Variants in POGLUT3 observed in about 807,000 individuals in gnomAD.
The protein encoded by POGLUT3 is KDEL (Lys-Asp-Glu-Leu) containing 2.
In POGLUT3, 48 loss-of-function variants were observed where a neutral mutation model predicts 54.3. The ratio of observed to expected loss-of-function variants is 0.88; its 90% CI spans 0.70 to 1.12. The LOEUF is 1.12. POGLUT3 is among the 50% of genes most tolerant of loss of function. The pLI is 0.00. For synonymous variants in POGLUT3, 218 were observed against 237.4 expected, an observed-to-expected ratio of 0.92 and a Z score of 0.75; for missense variants, 629 against 618.7, an observed-to-expected ratio of 1.02 and a Z score of -0.18.
rs1173589272 is a variant in POGLUT3 at position 108,481,044 on chromosome 11, T to C, written c.1098+136A>G. The C allele has an allele frequency of 3.0e-5, 20 of 663,454 alleles. No homozygotes were observed. The South Asian group carries it at 3.9e-4, about 13-fold the overall frequency. 41.1% of individuals were successfully genotyped at this position (663,454 alleles called of 1,614,324 possible). A position where few individuals can be genotyped will look rare whatever the true frequency, so the allele number is the denominator to read the frequency against. ...AAACCACAATGGGTTTTGTAATTCC[T>C]GATATCTAATAAGAAAGTGTGAACA... On this transcript the variant is annotated intron_variant, in intron 5 of 7. Transcript: ENST00000323468.
intron 6 of POGLUT3, among the ~76,000 whole-genome samples, chr11:108,478,390 C>T (rs555091388): frequency 5.3e-5 from 8 of 152,282 alleles, no homozygotes; most frequent in African/African-American, 1.4e-4. Context: ...CTTCAGCTTC[C>T]GCATCTGTCC....
rs1800802473 is a variant in POGLUT3 at position 108,473,849 on chromosome 11, T to G, written c.*978A>C. On this transcript the variant is annotated 3_prime_UTR_variant, in exon 8 of 8. Transcript: ENST00000323468. ...TGGAATTACTAACTTAAGGTACAATTTCTCCTTAATGTTGTCTCGGGCTTT... is the reference window on the plus strand; with the variant it reads ...TGGAATTACTAACTTAAGGTACAATGTCTCCTTAATGTTGTCTCGGGCTTT... The G allele has an allele frequency of 6.6e-6, 1 of 152,230 alleles. No individual in the cohort carries two copies. The highest frequency in any genetic ancestry group is 6.5e-5 in the Admixed American group (1 of 15,278). 9.4% of individuals were successfully genotyped at this position (152,230 alleles called of 1,614,324 possible).
chr11:108,475,462 TG>T (rs1311074912), intron 7 of POGLUT3, among the ~76,000 whole-genome samples: 2,918 of 126,740 alleles, frequency 0.023, 354 homozygotes, highest in African/African-American at 0.087. Context: ...GAGTTTTTTT[TG>T]TTTTTGTTTT....
intron 1 of POGLUT3, among the ~76,000 whole-genome samples, chr11:108,493,190 G>A (rs1294710210): frequency 2.0e-5 from 3 of 152,114 alleles, no homozygotes; most frequent in African/African-American, 7.2e-5. Context: ...AATTATGGTC[G>A]CTTCCAGTTG....
In POGLUT3 at chr11:108,481,122, T is replaced by A. The variant is rs1334179313; in HGVS notation, c.1098+58A>T. The A allele has an allele frequency of 3.6e-6, 5 of 1,384,500 alleles. No individual in the cohort carries two copies. In the Admixed American group the frequency reaches 1.2e-4, roughly 34 times the overall value. 85.8% of individuals were successfully genotyped at this position (1,384,500 alleles called of 1,614,324 possible). A position where few individuals can be genotyped will look rare whatever the true frequency, so the allele number is the denominator to read the frequency against. On this transcript the variant is annotated intron_variant, in intron 5 of 7. Transcript: ENST00000323468. The stretch of plus-strand genomic sequence containing the variant: ...ATTTGCTGAAGCCCACCTATTTTGG[T>A]AGACTTTTAATACAATTTTATCGCT...
At chr11:108,486,648 C>G (rs1159196280) in intron 2 of POGLUT3, 2 of 545,886 alleles carry the variant, frequency 3.7e-6, no homozygotes, top group Non-Finnish European at 6.4e-6. Context: ...TAGTATATGC[C>G]CTCTCCCAAT....
chr11:108,477,497 C>G, intron 7 of POGLUT3, 110 bp downstream of exon 7: 1 of 683,242 alleles, frequency 1.5e-6, no homozygotes, highest in South Asian at 1.8e-5. Context: ...AGCCAGTGGT[C>G]CATAGGCTTG....
chr11:108,495,167 A>G (rs1332079240), intron 1 of POGLUT3, among the ~76,000 whole-genome samples: 4 of 152,238 alleles, frequency 2.6e-5, no homozygotes, highest in Non-Finnish European at 1.5e-5. Context: ...GTTGTGTACA[A>G]CAGGCTACAG....
At position 108,474,211 on chromosome 11, in the gene POGLUT3, GTCTC is replaced by G. The variant is rs1294635076; in HGVS notation, c.*612_*615del. The G allele has an allele frequency of 1.3e-5, 2 of 152,164 alleles. No individual in the cohort carries two copies. Among genetic ancestry groups the G allele is most frequent in the African/African-American group, 4.8e-5 (2 of 41,422 alleles). 9.4% of individuals were successfully genotyped at this position (152,164 alleles called of 1,614,324 possible). A position where few individuals can be genotyped will look rare whatever the true frequency, so the allele number is the denominator to read the frequency against. Reference sequence around the variant, plus strand: ...CAGAGGCTGATTTATATTTTAGCAAGTCTCTCTATCGGCTATGATCCCCAAGTTT... The same window carrying G: ...CAGAGGCTGATTTATATTTTAGCAAGTCTATCGGCTATGATCCCCAAGTTT... On this transcript the variant is annotated 3_prime_UTR_variant, in exon 8 of 8. Transcript: ENST00000323468.
intron 4 of POGLUT3, among the ~76,000 whole-genome samples, 153 bp from the exon 5 acceptor site, chr11:108,481,529 T>C (rs1035613692): frequency 1.3e-5 from 2 of 152,160 alleles, no homozygotes; most frequent in Admixed American, 6.6e-5. Flanking sequence ...AACGAAAATA[T>C]GGGATTGAGT....
chr11:108,480,373 C>A (rs889865642), intron 5 of POGLUT3, among the ~76,000 whole-genome samples: 1 of 152,154 alleles, frequency 6.6e-6, no homozygotes, highest in African/African-American at 2.4e-5. Context: ...CTTTGTTTTC[C>A]ATTTCAAATG....
rs553063235 is a variant in POGLUT3, at chr11:108,473,858, A to C, written c.*969T>G. 10 of 152,326 alleles carry C rather than the reference A, an allele frequency of 6.6e-5. No individual in the cohort carries two copies. The East Asian group carries it at 1.9e-3, about 29-fold the overall frequency. 9.4% of individuals were successfully genotyped at this position (152,326 alleles called of 1,614,324 possible). A position where few individuals can be genotyped will look rare whatever the true frequency, so the allele number is the denominator to read the frequency against. On this transcript the variant is annotated 3_prime_UTR_variant, in exon 8 of 8. Transcript: ENST00000323468. ...TAACTTAAGGTACAATTTCTCCTTA[A>C]TGTTGTCTCGGGCTTTGGCAAAATT... is the stretch of plus-strand genomic sequence containing the variant.
chr11:108,492,050 C>A (rs868241768), intron 1 of POGLUT3, among the ~76,000 whole-genome samples: 12 of 151,936 alleles, frequency 7.9e-5, no homozygotes, highest in South Asian at 4.2e-4. Flanking sequence ...AGAGAGATTA[C>A]AGCTAGTTAC....
Position 108,481,305 on chromosome 11 carries a change from A to G in POGLUT3, c.973T>C (p.Leu325=). 1 of 1,612,958 alleles carries G rather than the reference A, an allele frequency of 6.2e-7. No individual in the cohort carries two copies. The highest frequency in any genetic ancestry group is 1.1e-5 in the South Asian group (1 of 90,772). Residue 325 remains leucine, a synonymous_variant, in exon 5 of 8, where the codon TTG becomes CTG. Coordinates refer to ENST00000323468, the MANE Select transcript of POGLUT3 (RefSeq NM_153705.5). ...GGATTTTCTTTGGACAGCTGTACCA[A>G]CTGGAGCCTCTCCTCTCGGCTGTCT... ...GRDSREERLQ[L]VQLSKENPQL...
At chr11:108,489,036 G>A (rs1213739753) in intron 2 of POGLUT3, among the ~76,000 whole-genome samples, 1 of 152,138 alleles carries the variant, frequency 6.6e-6, no homozygotes, top group Non-Finnish European at 1.5e-5. Flanking sequence ...CTATTTCCCA[G>A]TGATTTAACT....
chr11:108,498,314 A>T lies in POGLUT3; in HGVS notation c.53T>A (p.Val18Glu), dbSNP rs895346217. The part of the protein sequence containing the change: ...LLLQLRLALL[V>E]AAGAPEVLVS... ...CAGCACCTCCGGGGCCCCCGCGGCC[A>T]CCAGCAGGGCGAGGCGCAGCTGCAG... Residue 18 changes from valine to glutamate, a missense_variant, in exon 1 of 8, where the codon GTG (valine) becomes GAG (glutamate). By Grantham distance (121) the Val-to-Glu change is moderately radical. Coordinates refer to ENST00000323468, the MANE Select transcript of POGLUT3 (RefSeq NM_153705.5). 2.8e-6 allele frequency: 4 copies of T among 1,439,960 alleles called. No homozygotes were observed. Among genetic ancestry groups the T allele is most frequent in the African/African-American group, 3.0e-5 (2 of 67,056 alleles). 89.2% of individuals were successfully genotyped at this position (1,439,960 alleles called of 1,614,324 possible).
rs372841756 is a variant in POGLUT3, at chr11:108,482,083, G to A, written c.824C>T (p.Thr275Met). Residue 275 changes from threonine (T) to methionine (M), a missense_variant, in exon 4 of 8, where the codon ACG (threonine) becomes ATG (methionine). Physicochemically the swap from Thr to Met is moderately conservative, Grantham distance 81 (BLOSUM62 -1). Transcript: ENST00000323468. Reference protein sequence around the residue: ...SLDSRDVVLPTYDITHSMLEA... With the variant: ...SLDSRDVVLPMYDITHSMLEA... ...AAGCATGGAGTGGGTGATGTCATACGTTGGAAGGACAACATCTCTTGAATC... is the reference window on the plus strand; with the variant it reads ...AAGCATGGAGTGGGTGATGTCATACATTGGAAGGACAACATCTCTTGAATC... 19 of 1,613,956 alleles carry A rather than the reference G, an allele frequency of 1.2e-5. No individual in the cohort carries two copies. The highest frequency in any genetic ancestry group is 4.4e-5 in the South Asian group (4 of 91,078).
rs2093577345 is a variant in POGLUT3, at chr11:108,474,861, C to G, written c.1490G>C (p.Cys497Ser). 1 of 1,614,010 alleles carries G rather than the reference C, an allele frequency of 6.2e-7. No individual in the cohort carries two copies. Among genetic ancestry groups the G allele is most frequent in the South Asian group, 1.1e-5 (1 of 91,084 alleles). Residue 497 changes from cysteine (C) to serine (S), a missense_variant, in exon 8 of 8, where the codon TGC becomes TCC. By Grantham distance (112) the Cys-to-Ser change is moderately radical. Transcript: ENST00000323468. ...TTCTCTTGAAGGCTTTTTCCTGTGG[C>G]ACTGGCAGATGGCTGTGCTATCTTC... ...QPEDSTAICQ[C>S]HRKKPSREEL
chr11:108,490,839 T>C (rs1175955608), intron 2 of POGLUT3, 131 bp downstream of exon 2: 4 of 575,606 alleles, frequency 6.9e-6, no homozygotes, highest in Non-Finnish European at 1.2e-5. Context: ...AAATTTAAAT[T>C]GAGCTCCAGG....
Sources: allele counts gnomAD v4.1 joint callset (sites outside exome capture counted in the v4.1 genomes callset), GRCh38; gene constraint gnomAD v4.1.1; transcripts MANE v1.5; gene names NCBI Gene and HGNC (gene_info 2026-07-23, HGNC 2026-07-21).